Variants in HEXB observed in about 807,000 individuals in gnomAD.
HEXB encodes beta-hexosaminidase subunit beta.
A neutral mutation model predicts 71.2 loss-of-function variants in HEXB; 51 were observed. The observed-to-expected ratio is 0.72, with a 90% CI of 0.57 to 0.90. The LOEUF (loss-of-function observed/expected upper bound fraction) is 0.90. Ranked by LOEUF, HEXB falls within the 40% of genes least tolerant of loss-of-function variation. The pLI is 0.00. For missense variants in HEXB, 617 were observed against 677.0 expected (o/e 0.91, Z 0.98); for synonymous variants, 266 against 249.3 (o/e 1.07, Z -0.63).
At position 74,641,554 on chromosome 5, in the gene HEXB, C is replaced by T. The variant is rs1747888373; in HGVS notation, c.-377+996C>T. The T allele has an allele frequency of 6.6e-6, 1 of 152,308 alleles. No individual in the cohort carries two copies. The highest frequency in any genetic ancestry group is 1.5e-5 in the Non-Finnish European group (1 of 68,124). 9.4% of individuals were successfully genotyped at this position (152,308 alleles called of 1,614,324 possible). A position where few individuals can be genotyped will look rare whatever the true frequency, so the allele number is the denominator to read the frequency against. On this transcript the variant is annotated intron_variant, in intron 1 of 13. Transcript: ENST00000511181. This position sits in a 1 kb window ranked among gnomAD's most constrained non-coding sequence, Gnocchi z 4.1. Reference sequence around the variant, plus strand: ...CCTCAAAGCAGCAGCCACGCCGCCTCCTCTCCTAGCGATTAAGCCTCCATC... The same window carrying T: ...CCTCAAAGCAGCAGCCACGCCGCCTTCTCTCCTAGCGATTAAGCCTCCATC...
At chr5:74,642,355 G>A (rs1307911684) in intron 1 of HEXB, among the ~76,000 whole-genome samples, 1 of 152,118 alleles carries the variant, frequency 6.6e-6, no homozygotes, top group Non-Finnish European at 1.5e-5. Flanking sequence ...GGAGAGCCAG[G>A]GGGGCTGCGA....
At chr5:74,659,230 A>G (rs944180888) in intron 1 of HEXB, among the ~76,000 whole-genome samples, 3 of 152,208 alleles carry the variant, frequency 2.0e-5, no homozygotes, top group East Asian at 1.9e-4. Context: ...ATTTTTCACC[A>G]TAAGTCACCT....
chr5:74,653,263 T>C (rs1368958762), intron 1 of HEXB, among the ~76,000 whole-genome samples: 1 of 152,202 alleles, frequency 6.6e-6, no homozygotes, highest in South Asian at 2.1e-4. Context: ...AAATGATCAA[T>C]TCTTGCTAAA....
chr5:74,665,833 G>A (rs1193376604), intron 1 of HEXB, among the ~76,000 whole-genome samples: 1 of 152,032 alleles, frequency 6.6e-6, no homozygotes, highest in Admixed American at 6.5e-5. Flanking sequence ...AATTTTCTGA[G>A]TGGTTCCCTT....
At chr5:74,705,910 G>A (rs1749375764) in intron 6 of HEXB, 1 of 154,626 alleles carries the variant, frequency 6.5e-6, no homozygotes, top group East Asian at 1.9e-4. Context: ...TGGTTAGGAA[G>A]GGACAGAGCC....
intron 1 of HEXB, among the ~76,000 whole-genome samples, chr5:74,686,639 A>G (rs1748880393): frequency 6.6e-6 from 1 of 152,212 alleles, no homozygotes; most frequent in African/African-American, 2.4e-5. Flanking sequence ...CAGAAGGCTC[A>G]TGGTTTCCTT....
rs397998152 is a variant in HEXB, at chr5:74,664,430, T to TAAAA, written c.-377+23892_-377+23895dup. ...GGGCAATAGAGCAAGATTCTATCTC[T>TAAAA]AAAAAAAAAAAAAAAAAAAAAAACA... is the stretch of plus-strand genomic sequence containing the variant. On this transcript the variant is annotated intron_variant, in intron 1 of 13. Coordinates refer to the HEXB transcript ENST00000511181. 3.5e-3 allele frequency among the ~76,000 whole-genome samples: 280 copies of TAAAA among 79,638 alleles called. 3 individuals carry two copies. Among genetic ancestry groups the TAAAA allele is most frequent in the African/African-American group, 0.013 (270 of 21,478 alleles). 52.2% of individuals were successfully genotyped at this position (79,638 alleles called of 152,430 possible).
At chr5:74,662,031 T>C (rs910807345) in intron 1 of HEXB, among the ~76,000 whole-genome samples, 2 of 152,254 alleles carry the variant, frequency 1.3e-5, no homozygotes, top group Non-Finnish European at 2.9e-5. Context: ...ATGTTTTTTG[T>C]TCAAAGAACA....
At chr5:74,653,491 G>C (rs534198595) in intron 1 of HEXB, among the ~76,000 whole-genome samples, 52 of 152,310 alleles carry the variant, frequency 3.4e-4, no homozygotes, top group African/African-American at 1.1e-3. Context: ...AGCTCCAAAA[G>C]CCAACCTTCC....
At chr5:74,681,469 A>G (rs1748738133), upstream of HEXB, among the ~76,000 whole-genome samples, 1 of 152,206 alleles carries the variant, frequency 6.6e-6, no homozygotes. Flanking sequence ...ATAGGCCTGT[A>G]GTACTAACTA....
chr5:74,716,483 A>G (rs1463963878), intron 8 of HEXB, 104 bp from the exon 9 acceptor site: 8 of 672,018 alleles, frequency 1.2e-5, no homozygotes, highest in Non-Finnish European at 2.1e-5. Flanking sequence ...ACAAACTTTA[A>G]TAGTTTTAAG....
chr5:74,720,644 C>T lies in HEXB; in HGVS notation c.1510C>T (p.Pro504Ser), dbSNP rs121907985. ...GGGGATGTGTGATTTAAATTTTAGG[C>T]CTCGGGCAAGTGCTGTTGGTGAGAG... ...DATNLTPRLW[P>S]RASAVGERLW... Residue 504 changes from proline to serine, a missense_variant and splice_region_variant, in exon 13 of 14, where the codon CCT becomes TCT. By Grantham distance (74) the Pro-to-Ser change is moderately conservative. Coordinates refer to ENST00000261416, the MANE Select transcript of HEXB (RefSeq NM_000521.4). 46 of 1,613,628 alleles carry T rather than the reference C, an allele frequency of 2.9e-5. No homozygotes were observed. Among genetic ancestry groups the T allele is most frequent in the Admixed American group, 1.7e-4 (10 of 59,982 alleles).
At position 74,679,798 on chromosome 5, in the gene HEXB, C is replaced by CAAAAAAAA. The variant is rs70976121; in HGVS notation, c.-376-9510_-376-9503dup. On this transcript the variant is annotated intron_variant, in intron 1 of 13. Coordinates refer to the HEXB transcript ENST00000511181. ...CTGGTGACAGCGCGAGACTCCGTCT[C>CAAAAAAAA]AAAAAAAAAAAAAAAAAAAAAAAAA... is the stretch of plus-strand genomic sequence containing the variant. Among the ~76,000 whole-genome samples, 192 of 38,922 alleles carry CAAAAAAAA rather than the reference C, an allele frequency of 4.9e-3. 29 individuals carry two copies. The highest frequency in any genetic ancestry group is 5.7e-3 in the Non-Finnish European group (135 of 23,620). The allele number at this position is 38,922 out of a possible 152,430, so 25.5% of individuals were successfully genotyped here.
At chr5:74,676,987 T>C (rs539065230) in intron 1 of HEXB, among the ~76,000 whole-genome samples, 81 of 151,932 alleles carry the variant, frequency 5.3e-4, no homozygotes, top group Non-Finnish European at 4.3e-4. Context: ...CCTGGGTTCA[T>C]GCCATTCTCC....
chr5:74,658,022 C>T (rs1457732174), intron 1 of HEXB, among the ~76,000 whole-genome samples: 2 of 152,220 alleles, frequency 1.3e-5, no homozygotes, highest in South Asian at 2.1e-4. Context: ...GGCAGGTCAT[C>T]AGCTTCCAGA....
At chr5:74,672,916 C>T (rs1227828155) in intron 1 of HEXB, among the ~76,000 whole-genome samples, 1 of 152,188 alleles carries the variant, frequency 6.6e-6, no homozygotes, top group African/African-American at 2.4e-5. Flanking sequence ...AGTCTGGAGA[C>T]TTTGGATTTA....
At chr5:74,653,653 T>C (rs546105194) in intron 1 of HEXB, among the ~76,000 whole-genome samples, 5 of 152,346 alleles carry the variant, frequency 3.3e-5, no homozygotes, top group African/African-American at 1.2e-4. Context: ...GATGTCATAG[T>C]TACTTTTGGC....
intron 3 of HEXB, among the ~76,000 whole-genome samples, chr5:74,695,849 A>G (rs1749101810): frequency 6.6e-6 from 1 of 151,652 alleles, no homozygotes; most frequent in East Asian, 2.0e-4. Context: ...TAAAAAAAAA[A>G]AAAAAAAGAT....
At chr5:74,651,431 C>T (rs1224516979) in intron 1 of HEXB, among the ~76,000 whole-genome samples, 1 of 152,186 alleles carries the variant, frequency 6.6e-6, no homozygotes, top group Non-Finnish European at 1.5e-5. Context: ...CAAAATTATG[C>T]CCTTTGTTCT....
Sources: gnomAD v4.1 joint callset for allele counts (sites outside exome capture counted in the v4.1 genomes callset) on GRCh38, gnomAD v4.1.1 for gene constraint, Gnocchi (gnomAD v3.1) non-coding constraint, MANE v1.5 for transcripts, NCBI Gene and HGNC (gene_info 2026-07-23, HGNC 2026-07-21) for gene names.